GSDMC: variants seen among roughly 807,000 people sequenced by gnomAD.
The protein encoded by GSDMC is gasdermin C.
Under a neutral mutation model 58.0 loss-of-function variants are expected in GSDMC, and 59 were observed. The ratio of observed to expected loss-of-function variants is 1.02; its 90% CI spans 0.82 to 1.26. GSDMC has a LOEUF of 1.26. GSDMC is among the 50% of genes most tolerant of loss of function. The pLI, the probability that GSDMC is intolerant of heterozygous loss-of-function variation, is 0.00. For missense variants in GSDMC, 659 were observed against 598.5 expected, an observed-to-expected ratio of 1.10 and a Z score of -1.06; for synonymous variants, 241 against 220.2, an observed-to-expected ratio of 1.09 and a Z score of -0.83.
At chr8:129,718,164 A>C in the GSDMC span, among the ~76,000 whole-genome samples, 2 of 152,202 alleles carry the variant, frequency 1.3e-5, no homozygotes, top group Admixed American at 6.5e-5. Flanking sequence ...AAAAGCCAAA[A>C]TTGACAAATA....
the GSDMC span, among the ~76,000 whole-genome samples, chr8:129,726,253 G>C: frequency 6.6e-6 from 1 of 152,172 alleles, no homozygotes; most frequent in African/African-American, 2.4e-5. Flanking sequence ...TCAATGTAGT[G>C]TTTCAAGAAG....
Position 129,752,798 on chromosome 8 carries a change from T to C in GSDMC, c.744A>G (p.Val248=), listed in dbSNP as rs2033267268. The change falls in exon 7 of 14, where the codon GTA becomes GTG. Residue 248 remains valine, a synonymous_variant. Coordinates refer to ENST00000276708, the MANE Select transcript of GSDMC (RefSeq NM_031415.3). The part of the protein sequence containing the change: ...FQDEYEISEM[V]GYCAARSEGL... Reference sequence around the variant, plus strand: ...CCTCACTCCTCGCAGCACAGTAGCCTACCATTTCGGAAATTTCGTACTCTT... The same window carrying C: ...CCTCACTCCTCGCAGCACAGTAGCCCACCATTTCGGAAATTTCGTACTCTT... 1 of 1,614,160 alleles carries C rather than the reference T, an allele frequency of 6.2e-7. No homozygotes were observed. The highest frequency in any genetic ancestry group is 8.5e-7 in the Non-Finnish European group (1 of 1,180,014).
chr8:129,731,552 G>A, the GSDMC span, among the ~76,000 whole-genome samples: 2 of 152,208 alleles, frequency 1.3e-5, no homozygotes, highest in African/African-American at 2.4e-5. Context: ...GAGGCAAGAG[G>A]CTGGCAACCC....
intron 3 of GSDMC, among the ~76,000 whole-genome samples, chr8:129,774,552 G>GAA (rs2034162948): frequency 6.8e-6 from 1 of 147,798 alleles, no homozygotes; most frequent in African/African-American, 2.5e-5. Flanking sequence ...GAAAAGAAAA[G>GAA]AAAAAATAAG....
intron 1 of GSDMC, among the ~76,000 whole-genome samples, chr8:129,784,319 G>A (rs1228859503): frequency 6.6e-6 from 1 of 152,060 alleles, no homozygotes; most frequent in Non-Finnish European, 1.5e-5. Flanking sequence ...CACAGAATGG[G>A]AGAAAATATT....
the GSDMC span, among the ~76,000 whole-genome samples, chr8:129,705,925 G>A: frequency 1.3e-5 from 2 of 152,206 alleles, no homozygotes; most frequent in South Asian, 4.2e-4. Context: ...AATTTTATTG[G>A]TTCTACTTGG....
chr8:129,718,926 C>T, the GSDMC span, among the ~76,000 whole-genome samples: 5 of 152,118 alleles, frequency 3.3e-5, no homozygotes, highest in African/African-American at 4.8e-5. Context: ...AGCAAACTAA[C>T]ACAGGAACAG....
Position 129,749,474 on chromosome 8 carries a change from A to G in GSDMC, c.1265T>C (p.Ile422Thr), listed in dbSNP as rs763952862. 8 of 1,613,604 alleles carry G rather than the reference A, an allele frequency of 5.0e-6. No homozygotes were observed. Among genetic ancestry groups the G allele is most frequent in the Non-Finnish European group, 6.8e-6 (8 of 1,179,674 alleles). ...CACCAGCTCCTGTTGCTGAAGCAGG[A>G]TCCTCTTCTCCATGGAACAGGCCAG... Reference protein sequence around the residue: ...DLLACSMEKRILLQQQELVRS... With the variant: ...DLLACSMEKRTLLQQQELVRS... The change falls in exon 13 of 14, where the codon ATC (isoleucine) becomes ACC (threonine). Residue 422 changes from isoleucine (I) to threonine (T), a missense_variant. Coordinates refer to ENST00000276708, the MANE Select transcript of GSDMC (RefSeq NM_031415.3).
chr8:129,709,505 GACA>G, the GSDMC span, among the ~76,000 whole-genome samples: 1 of 65,218 alleles, frequency 1.5e-5, no homozygotes. Context: ...ATGATAGATA[GACA>G]GATGATAGAT....
At chr8:129,717,027 T>G in the GSDMC span, among the ~76,000 whole-genome samples, 6,461 of 152,238 alleles carry the variant, frequency 0.042, 195 homozygotes, top group East Asian at 0.056. Flanking sequence ...GCCAGTATTT[T>G]ATTAAGGATT....
chr8:129,772,288 C>G (rs73406828), intron 3 of GSDMC, among the ~76,000 whole-genome samples: 1 of 146,490 alleles, frequency 6.8e-6, no homozygotes, highest in African/African-American at 2.5e-5. Flanking sequence ...AAGATTAGAG[C>G]AGAATAAATT....
Position 129,750,015 on chromosome 8 carries a change from A to G in GSDMC, c.1188T>C (p.Ile396=). 1 of 1,609,520 alleles carries G rather than the reference A, an allele frequency of 6.2e-7. No individual in the cohort carries two copies. Among genetic ancestry groups the G allele is most frequent in the Non-Finnish European group, 8.5e-7 (1 of 1,178,504 alleles). The part of the protein sequence containing the change: ...NHAWFNPKDP[I]LYLLEAIMVL... ...CCATTATGGCTTCAAGGAGATAAAG[A>G]ATGGGGTCCTTTGGGTTAAACCATG... is the stretch of plus-strand genomic sequence containing the variant. Residue 396 remains isoleucine (I), a synonymous_variant, in exon 12 of 14, where the codon ATT becomes ATC. Transcript: ENST00000276708.
intron 3 of GSDMC, among the ~76,000 whole-genome samples, chr8:129,766,362 T>A (rs776239998): frequency 1.8e-4 from 28 of 152,228 alleles, no homozygotes; most frequent in Admixed American, 2.6e-4. Flanking sequence ...TTTGAAGTAC[T>A]GAAGGTAGAT....
At chr8:129,709,425 A>G in the GSDMC span, among the ~76,000 whole-genome samples, 1 of 152,182 alleles carries the variant, frequency 6.6e-6, no homozygotes, top group Non-Finnish European at 1.5e-5. Flanking sequence ...TTTGGCCTCA[A>G]AAGGTAGATG....
chr8:129,751,483 G>T, intron 10 of GSDMC, 59 bp downstream of exon 10: 2 of 1,432,362 alleles, frequency 1.4e-6, no homozygotes, highest in Non-Finnish European at 1.9e-6. Flanking sequence ...ACCAACTTGG[G>T]TGCTCAGACT....
chr8:129,723,195 G>T, the GSDMC span, among the ~76,000 whole-genome samples: 2 of 152,044 alleles, frequency 1.3e-5, no homozygotes, highest in Admixed American at 6.5e-5. Flanking sequence ...CTCACCCTCT[G>T]CACTGCTAGG....
chr8:129,720,567 G>A, the GSDMC span, among the ~76,000 whole-genome samples: 12 of 151,924 alleles, frequency 7.9e-5, no homozygotes, highest in Admixed American at 5.2e-4. Context: ...ATATATACAC[G>A]TTTTATTACA....
chr8:129,705,597 C>A, the GSDMC span: 1 of 152,228 alleles, frequency 6.6e-6, no homozygotes, highest in South Asian at 2.1e-4. Context: ...CATGAGAATT[C>A]ACTCACTATC....
At chr8:129,730,108 A>C in the GSDMC span, 197,758 of 960,012 alleles carry the variant, frequency 0.21, 22,557 homozygotes, top group Non-Finnish European at 0.23. Context: ...AACACTATTC[A>C]GGTGTTTCTG....
Sources: allele counts gnomAD v4.1 joint callset (sites outside exome capture counted in the v4.1 genomes callset), GRCh38; gene constraint gnomAD v4.1.1; transcripts MANE v1.5; gene names NCBI Gene and HGNC (gene_info 2026-07-23, HGNC 2026-07-21).